Variants in IQGAP1 observed in about 807,000 individuals in gnomAD.
IQGAP1 encodes the protein ras GTPase-activating-like protein IQGAP1.
A neutral mutation model predicts 215.6 loss-of-function variants in IQGAP1; 66 were observed. The ratio of observed to expected loss-of-function variants is 0.31; its 90% CI spans 0.25 to 0.38. IQGAP1 has a LOEUF of 0.38. Ranked by LOEUF, IQGAP1 falls within the 10% of genes least tolerant of loss-of-function variation. The probability of loss-of-function intolerance (pLI) is 1.00; values close to 1 mark genes in which losing one functional copy is unlikely to be tolerated. For missense variants in IQGAP1, 1,712 were observed against 1,997.1 expected (o/e 0.86, Z 2.72); for synonymous variants, 772 against 728.7 (o/e 1.06, Z -0.96).
Position 90,389,423 on chromosome 15 carries a change from G to C in IQGAP1, c.55+1027G>C, listed in dbSNP as rs144880823. On this transcript the variant is annotated intron_variant, in intron 1 of 37. Coordinates refer to ENST00000268182, the MANE Select transcript of IQGAP1 (RefSeq NM_003870.4). The stretch of plus-strand genomic sequence containing the variant: ...TTCAGTGGTGCAATCTCAGCTCACT[G>C]CAAACTCCACCTCCCAGGTTCAAGC... Among the ~76,000 whole-genome samples, 1,364 of 149,070 alleles carry C rather than the reference G, an allele frequency of 9.2e-3. 16 individuals are homozygous for C. Among genetic ancestry groups the C allele is most frequent in the African/African-American group, 0.031 (1,268 of 40,308 alleles).
chr15:90,450,823 T>G (rs1276185130), intron 11 of IQGAP1, among the ~76,000 whole-genome samples: 1 of 151,342 alleles, frequency 6.6e-6, no homozygotes. Flanking sequence ...TTGTTTTTTT[T>G]TTTTTGGCTG....
intron 6 of IQGAP1, among the ~76,000 whole-genome samples, chr15:90,439,945 C>T (rs765953752): frequency 6.6e-6 from 1 of 152,170 alleles, no homozygotes. Flanking sequence ...AAGATAGATT[C>T]AAGTCTTTCA....
intron 18 of IQGAP1, among the ~76,000 whole-genome samples, chr15:90,469,400 G>C (rs1186371679): frequency 6.6e-6 from 1 of 152,250 alleles, no homozygotes; most frequent in African/African-American, 2.4e-5. Context: ...GTTAACATCA[G>C]ATGGGTGATT....
At chr15:90,399,143 T>G (rs1029295565) in intron 2 of IQGAP1, among the ~76,000 whole-genome samples, 1 of 152,010 alleles carries the variant, frequency 6.6e-6, no homozygotes, top group Admixed American at 6.6e-5. Context: ...TTTTTTTTTT[T>G]GTAGAGATGG....
chr15:90,485,266 C>T (rs1208230932), intron 30 of IQGAP1, among the ~76,000 whole-genome samples: 2 of 152,140 alleles, frequency 1.3e-5, no homozygotes, highest in South Asian at 2.1e-4. Flanking sequence ...AGTGCCCCTA[C>T]AATAATTATA....
intron 5 of IQGAP1, among the ~76,000 whole-genome samples, chr15:90,434,022 A>G (rs532929615): frequency 2.0e-5 from 3 of 152,290 alleles, no homozygotes; most frequent in African/African-American, 7.2e-5. Context: ...TTTCTTCTAA[A>G]AACATGGTAT....
At chr15:90,419,140 G>GAAAAAAAAA (rs200209041) in intron 2 of IQGAP1, among the ~76,000 whole-genome samples, 2 of 112,146 alleles carry the variant, frequency 1.8e-5, no homozygotes, top group Admixed American at 8.5e-5. Context: ...TCTCAAAAAA[G>GAAAAAAAAA]AAAAAAAAAA....
At chr15:90,401,092 C>G (rs958433219) in intron 2 of IQGAP1, among the ~76,000 whole-genome samples, 1 of 152,098 alleles carries the variant, frequency 6.6e-6, no homozygotes, top group South Asian at 2.1e-4. Flanking sequence ...GAGACCATAT[C>G]GTTGAGTTAG....
chr15:90,406,669 T>C (rs188270877), intron 2 of IQGAP1, among the ~76,000 whole-genome samples: 325 of 152,344 alleles, frequency 2.1e-3, no homozygotes, highest in African/African-American at 7.4e-3. Flanking sequence ...TATTGGGACT[T>C]ACTAGGGCGT....
intron 6 of IQGAP1, 91 bp downstream of exon 6, chr15:90,439,490 T>C: frequency 1.1e-6 from 1 of 928,952 alleles, no homozygotes; most frequent in Non-Finnish European, 1.7e-6. Flanking sequence ...CCTAGGGCTT[T>C]AAAAATACAC....
chr15:90,484,275 G>A lies in IQGAP1; in HGVS notation c.3844G>A (p.Asp1282Asn). ...VPELQDKFNV[D>N]EYSDLVTLTK... is the part of the protein sequence containing the mutation. Reference sequence around the variant, plus strand: ...AGAGCTTCAGGATAAATTTAATGTGGATGAGTACTCTGATTTAGTAACCCT... The same window carrying A: ...AGAGCTTCAGGATAAATTTAATGTGAATGAGTACTCTGATTTAGTAACCCT... The change falls in exon 30 of 38, where the codon GAT (aspartate) becomes AAT (asparagine). Residue 1282 changes from aspartate to asparagine, a missense_variant. By Grantham distance (23) the Asp-to-Asn change is conservative. Transcript: ENST00000268182. 6.2e-7 allele frequency: 1 copy of A among 1,613,356 alleles called. No individual in the cohort carries two copies. The highest frequency in any genetic ancestry group is 8.5e-7 in the Non-Finnish European group (1 of 1,179,440).
At chr15:90,493,481 A>T (rs1444378873) in intron 35 of IQGAP1, among the ~76,000 whole-genome samples, 4 of 152,180 alleles carry the variant, frequency 2.6e-5, no homozygotes, top group African/African-American at 4.8e-5. Flanking sequence ...GGGAATTGAA[A>T]ACCCAGAGAG....
intron 37 of IQGAP1, among the ~76,000 whole-genome samples, chr15:90,498,448 G>A (rs1186138452): frequency 6.6e-6 from 1 of 151,598 alleles, no homozygotes; most frequent in Non-Finnish European, 1.5e-5. Flanking sequence ...GGAGTTATCA[G>A]AACATATTTT....
At chr15:90,419,197 A>G (rs1965097791) in intron 2 of IQGAP1, among the ~76,000 whole-genome samples, 1 of 152,032 alleles carries the variant, frequency 6.6e-6, no homozygotes, top group African/African-American at 2.4e-5. Context: ...CTTGGGTTCA[A>G]GTGAGAGTTT....
At chr15:90,460,204 G>A (rs1965742148) in intron 15 of IQGAP1, among the ~76,000 whole-genome samples, 2 of 152,100 alleles carry the variant, frequency 1.3e-5, no homozygotes, top group African/African-American at 2.4e-5. Flanking sequence ...CATAGACAGA[G>A]CAGCCCTGAG....
At chr15:90,443,117 T>C (rs1447795360) in intron 8 of IQGAP1, among the ~76,000 whole-genome samples, 3 of 152,138 alleles carry the variant, frequency 2.0e-5, no homozygotes, top group South Asian at 2.1e-4. Flanking sequence ...TGCCACCACA[T>C]TGGGCTAATA....
intron 33 of IQGAP1, among the ~76,000 whole-genome samples, chr15:90,487,807 A>C (rs1966147943): frequency 1.3e-5 from 2 of 152,142 alleles, no homozygotes; most frequent in African/African-American, 4.8e-5. Context: ...TGCATGCAGA[A>C]TCATTGTGCC....
intron 37 of IQGAP1, 138 bp from the exon 38 acceptor site, chr15:90,499,857 G>T (rs959131025): frequency 5.2e-6 from 3 of 577,000 alleles, no homozygotes; most frequent in East Asian, 2.8e-5. Flanking sequence ...CTTTTCTTTC[G>T]CCCCAGTTCA....
At chr15:90,455,902 T>C (rs1209717609) in intron 14 of IQGAP1, among the ~76,000 whole-genome samples, 1 of 152,202 alleles carries the variant, frequency 6.6e-6, no homozygotes, top group African/African-American at 2.4e-5. Flanking sequence ...CCTCATCGCT[T>C]TTAAGTTAGA....
Sources: gnomAD v4.1 joint callset for allele counts (sites outside exome capture counted in the v4.1 genomes callset) on GRCh38, gnomAD v4.1.1 for gene constraint, MANE v1.5 for transcripts, NCBI Gene and HGNC (gene_info 2026-07-23, HGNC 2026-07-21) for gene names.